The following ZNF417 variants were observed in gnomAD, a reference collection of about 807,000 sequenced individuals.
The protein encoded by ZNF417 is zinc finger protein 417.
Under a neutral mutation model 7.4 loss-of-function variants are expected in ZNF417, and 5 were observed. The observed-to-expected ratio is 0.68, with a 90% CI of 0.35 to 1.43. The LOEUF is 1.43. Among genes scored for constraint, ZNF417 ranks in the 40% most tolerant of loss-of-function variants. The pLI, the probability that ZNF417 is intolerant of heterozygous loss-of-function variation, is 0.04. For synonymous variants in ZNF417, 147 were observed against 239.1 expected (o/e 0.61, Z 3.55); for missense variants, 437 against 697.3 (o/e 0.63, Z 4.20).
rs767973198 is a variant in ZNF417, at chr19:57,906,845, ATTTTTTTTTTTT to A, written c.*1693_*1704del. ...TAAAAGGTAACATTTAGGGATTGAGATTTTTTTTTTTTTTTTTTTTTTTTTTTGAGACGGAGT... is the reference window on the plus strand; with the variant it reads ...TAAAAGGTAACATTTAGGGATTGAGATTTTTTTTTTTTTTTGAGACGGAGT... On this transcript the variant is annotated 3_prime_UTR_variant, in exon 3 of 3. Transcript: ENST00000312026. 4 of 109,880 alleles carry A rather than the reference ATTTTTTTTTTTT, an allele frequency of 3.6e-5. No homozygotes were observed. Among genetic ancestry groups the A allele is most frequent in the African/African-American group, 1.5e-4 (4 of 25,990 alleles). The allele number at this position is 109,880 out of a possible 1,614,324, so 6.8% of individuals were successfully genotyped here.
At chr19:57,914,845 G>C (rs2071933281) in intron 1 of ZNF417, among the ~76,000 whole-genome samples, 2 of 152,200 alleles carry the variant, frequency 1.3e-5, no homozygotes, top group Admixed American at 6.5e-5. Context: ...ACCTGCCATG[G>C]CCTCAGTATC....
Position 57,908,380 on chromosome 19 carries a change from G to A in ZNF417, c.*170C>T, listed in dbSNP as rs531955000. The A allele has an allele frequency of 4.6e-6, 6 of 1,293,918 alleles. No homozygotes were observed. In the African/African-American group the frequency reaches 8.9e-5, roughly 19 times the overall value. 80.2% of individuals were successfully genotyped at this position (1,293,918 alleles called of 1,614,324 possible). A position where few individuals can be genotyped will look rare whatever the true frequency, so the allele number is the denominator to read the frequency against. ...GATTGCACCACTGCACTCCAGCCTGGGTGACAGAATGAGACTCCGTTCCAA... is the reference window on the plus strand; with the variant it reads ...GATTGCACCACTGCACTCCAGCCTGAGTGACAGAATGAGACTCCGTTCCAA... On this transcript the variant is annotated 3_prime_UTR_variant, in exon 3 of 3. Transcript: ENST00000312026.
Position 57,909,351 on chromosome 19 carries a change from G to GCC in ZNF417, c.925_926dup (p.Ser310AlafsTer171), listed in dbSNP as rs1568528632. On this transcript the variant is annotated frameshift_variant, in exon 3 of 3. Transcript: ENST00000312026. LOFTEE classifies it low-confidence loss of function (END_TRUNC). The stretch of plus-strand genomic sequence containing the variant: ...GAACACGCTGATGGCTAATAAGGCT[G>GCC]CCCTTCTGACTAAAAGATTTCCCGC... 1.9e-6 allele frequency: 3 copies of GCC among 1,614,076 alleles called. No homozygotes were observed. The highest frequency in any genetic ancestry group is 2.5e-6 in the Non-Finnish European group (3 of 1,179,924).
intron 1 of ZNF417, chr19:57,915,461 G>T: frequency 2.1e-6 from 1 of 486,060 alleles, no homozygotes; most frequent in Non-Finnish European, 3.8e-6. Flanking sequence ...GCCCCTCCCT[G>T]TGCTTGTTGC....
chr19:57,911,065 G>C (rs1306814930), intron 2 of ZNF417, among the ~76,000 whole-genome samples: 2 of 152,022 alleles, frequency 1.3e-5, no homozygotes, highest in Admixed American at 1.3e-4. Flanking sequence ...AAATATAGAA[G>C]CATATGTCAA....
Position 57,909,599 on chromosome 19 carries a change from C to CT in ZNF417, c.678dup (p.Val227SerfsTer10), listed in dbSNP as rs2071877530. The CT allele has an allele frequency of 6.2e-7, 1 of 1,607,218 alleles. No homozygotes were observed. ...GTGAAAAGTTTCTGGTGTGGAATAA[C>CT]TGAGTGTTTGGTGCTGAAGGCTTTT... On this transcript the variant is annotated frameshift_variant, in exon 3 of 3. Coordinates refer to ENST00000312026, the MANE Select transcript of ZNF417 (RefSeq NM_152475.3). LOFTEE classifies it low-confidence loss of function (END_TRUNC).
At chr19:57,916,144 G>C (rs139406767) in intron 1 of ZNF417, among the ~76,000 whole-genome samples, 1 of 152,214 alleles carries the variant, frequency 6.6e-6, no homozygotes, top group African/African-American at 2.4e-5. Flanking sequence ...TTTCTCCATC[G>C]CAATTCTCCA....
At chr19:57,911,357 T>C (rs2071897781) in intron 2 of ZNF417, among the ~76,000 whole-genome samples, 1 of 152,224 alleles carries the variant, frequency 6.6e-6, no homozygotes. Flanking sequence ...CAAATATAAA[T>C]GGTTTCTGGT....
At chr19:57,915,998 A>T (rs2071943982) in intron 1 of ZNF417, among the ~76,000 whole-genome samples, 1 of 152,208 alleles carries the variant, frequency 6.6e-6, no homozygotes, top group African/African-American at 2.4e-5. Flanking sequence ...ACCCTCTATG[A>T]ATCCATCTCA....
intron 2 of ZNF417, 36 bp from the exon 3 acceptor site, chr19:57,910,150 C>G: frequency 1.3e-6 from 2 of 1,592,206 alleles, no homozygotes; most frequent in Non-Finnish European, 1.7e-6. Context: ...GTGCAAAGTA[C>G]CTCTGACGGG....
Position 57,908,305 on chromosome 19 carries a change from G to A in ZNF417, c.*245C>T. 5 of 608,624 alleles carry A rather than the reference G, an allele frequency of 8.2e-6. No individual in the cohort carries two copies. The highest frequency in any genetic ancestry group is 1.4e-5 in the Non-Finnish European group (5 of 357,414). 37.7% of individuals were successfully genotyped at this position (608,624 alleles called of 1,614,324 possible). ...CGTAATCTCAGCTCCTTGGGAGGCT[G>A]AGGTAGGAGAATCACTTGAACCTGG... On this transcript the variant is annotated 3_prime_UTR_variant, in exon 3 of 3. Coordinates refer to ENST00000312026, the MANE Select transcript of ZNF417 (RefSeq NM_152475.3).
chr19:57,909,093 G>C lies in ZNF417; in HGVS notation c.1185C>G (p.Leu395=). 1 of 1,614,026 alleles carries C rather than the reference G, an allele frequency of 6.2e-7. No individual in the cohort carries two copies. Among genetic ancestry groups the C allele is most frequent in the South Asian group, 1.1e-5 (1 of 91,068 alleles). Residue 395 remains leucine, a synonymous_variant, in exon 3 of 3, where the codon CTC becomes CTG. Transcript: ENST00000312026. ...CGKSFGQKGN[L]VQHQRGHTGE... ...CAGTATGACCTCGCTGATGTTGAAC[G>C]AGGTTGCCCTTTTGACCAAAAGATT...
intron 2 of ZNF417, among the ~76,000 whole-genome samples, chr19:57,911,416 C>A (rs2071898155): frequency 6.6e-6 from 1 of 152,196 alleles, no homozygotes; most frequent in African/African-American, 2.4e-5. Flanking sequence ...GCATGGCACT[C>A]CTGAGGGACA....
intron 1 of ZNF417, among the ~76,000 whole-genome samples, chr19:57,913,803 G>A (rs377199707): frequency 3.9e-5 from 6 of 152,066 alleles, no homozygotes; most frequent in South Asian, 2.1e-4. Flanking sequence ...ACTCAGGGAC[G>A]TAAGTAAGAG....
rs1380248336 is a variant in ZNF417 at position 57,909,022 on chromosome 19, T to C, written c.1256A>G (p.Tyr419Cys). The change falls in exon 3 of 3, where the codon TAC becomes TGC. Residue 419 changes from tyrosine (Y) to cysteine (C), a missense_variant. Transcript: ENST00000312026. ...CTGGTGTTCAGTGAGGTGGGATCTG[T>C]ACCTAAATGATTTCCCACATTCCTT... ...ECKECGKSFRYRSHLTEHQRL... is the reference protein window; with the variant it reads ...ECKECGKSFRCRSHLTEHQRL... 2.5e-6 allele frequency: 4 copies of C among 1,613,952 alleles called. No individual in the cohort carries two copies. The highest frequency in any genetic ancestry group is 8.5e-7 in the Non-Finnish European group (1 of 1,179,898).
chr19:57,916,562 A>C lies in ZNF417; in HGVS notation c.-151T>G. The C allele has an allele frequency of 6.7e-7, 1 of 1,499,662 alleles. No homozygotes were observed. The highest frequency in any genetic ancestry group is 2.0e-4 in the Middle Eastern group (1 of 4,986). 92.9% of individuals were successfully genotyped at this position (1,499,662 alleles called of 1,614,324 possible). A position where few individuals can be genotyped will look rare whatever the true frequency, so the allele number is the denominator to read the frequency against. ...CACTCAGGGGCCACAAACTGGGGAA[A>C]CACCCGCGTCACCGATACACAGCCG... On this transcript the variant is annotated 5_prime_UTR_variant, in exon 1 of 3. Coordinates refer to ENST00000312026, the MANE Select transcript of ZNF417 (RefSeq NM_152475.3).
chr19:57,911,483 G>A, intron 2 of ZNF417, among the ~76,000 whole-genome samples: 1 of 152,142 alleles, frequency 6.6e-6, no homozygotes, highest in African/African-American at 2.4e-5. Context: ...TGTCAAACAT[G>A]GAGGTCTCTC....
At chr19:57,911,880 G>C (rs377033678) in intron 2 of ZNF417, among the ~76,000 whole-genome samples, 180 bp downstream of exon 2, 18 of 152,310 alleles carry the variant, frequency 1.2e-4, no homozygotes, top group African/African-American at 4.3e-4. Flanking sequence ...TGGGAGCCTG[G>C]AGCAAAGCAG....
chr19:57,910,714 C>T (rs555477682), intron 2 of ZNF417, among the ~76,000 whole-genome samples: 60 of 151,992 alleles, frequency 3.9e-4, no homozygotes, highest in African/African-American at 1.2e-3. Context: ...AAGTTGTGTA[C>T]GGGACCTTAT....
Sources: allele counts gnomAD v4.1 joint callset (sites outside exome capture counted in the v4.1 genomes callset), GRCh38; gene constraint gnomAD v4.1.1; transcripts MANE v1.5; gene names NCBI Gene and HGNC (gene_info 2026-07-23, HGNC 2026-07-21).